Variants in ARID3B observed in about 807,000 individuals in gnomAD.
ARID3B encodes the protein AT-rich interaction domain 3B.
In ARID3B, 10 loss-of-function variants were observed where a neutral mutation model predicts 51.9. The ratio of observed to expected loss-of-function variants is 0.19; its 90% confidence interval spans 0.12 to 0.33. The LOEUF is 0.33. ARID3B is among the 10% of genes least tolerant of loss of function. The pLI is 1.00. For synonymous variants in ARID3B, 205 were observed against 279.5 expected (o/e 0.73, Z 2.66); for missense variants, 483 against 716.3 (o/e 0.67, Z 3.72).
At chr15:74,573,054 T>G in intron 3 of ARID3B, 78 bp from the exon 4 acceptor site, 2 of 1,586,894 alleles carry the variant, frequency 1.3e-6, no homozygotes, top group Non-Finnish European at 1.7e-6. Flanking sequence ...ATTCAGATGG[T>G]CATAGTATAT....
At chr15:74,580,113 C>T (rs2061755500) in intron 4 of ARID3B, among the ~76,000 whole-genome samples, 1 of 152,132 alleles carries the variant, frequency 6.6e-6, no homozygotes. Flanking sequence ...ATCGCCTGAA[C>T]CTGGGAGGCA....
intron 4 of ARID3B, among the ~76,000 whole-genome samples, chr15:74,588,721 T>C (rs2061790837): frequency 6.6e-6 from 1 of 152,034 alleles, no homozygotes; most frequent in South Asian, 2.1e-4. Context: ...GCCCTCACCA[T>C]ATCCCCTGGT....
At chr15:74,590,388 TC>T (rs2061798753) in intron 5 of ARID3B, among the ~76,000 whole-genome samples, 1 of 152,184 alleles carries the variant, frequency 6.6e-6, no homozygotes, top group Non-Finnish European at 1.5e-5. Context: ...CTGTGCCCCT[TC>T]CAGGACATTG....
chr15:74,542,828 G>A (rs2061599725), intron 1 of ARID3B, among the ~76,000 whole-genome samples: 1 of 152,194 alleles, frequency 6.6e-6, no homozygotes, highest in Non-Finnish European at 1.5e-5. Flanking sequence ...TGTTGGGGGT[G>A]AGGGCCTGCA....
chr15:74,565,902 A>C (rs2061696415), intron 2 of ARID3B, among the ~76,000 whole-genome samples: 3 of 152,104 alleles, frequency 2.0e-5, no homozygotes, highest in Admixed American at 2.0e-4. Flanking sequence ...GGGCTGTGAG[A>C]TTGGTGTTGT....
chr15:74,543,613 A>G (rs897908777), intron 1 of ARID3B, among the ~76,000 whole-genome samples: 4 of 152,030 alleles, frequency 2.6e-5, no homozygotes, highest in Admixed American at 2.6e-4. Flanking sequence ...ACTTCTTTTA[A>G]AGCCTGCTAC....
chr15:74,564,220 C>T (rs2061689953), intron 2 of ARID3B, among the ~76,000 whole-genome samples: 1 of 152,194 alleles, frequency 6.6e-6, no homozygotes, highest in Admixed American at 6.5e-5. Flanking sequence ...ATCTGTTTTA[C>T]TTCCTGGGGC....
intron 2 of ARID3B, among the ~76,000 whole-genome samples, chr15:74,566,602 C>CAAA: frequency 1.1e-5 from 1 of 94,058 alleles, no homozygotes; most frequent in South Asian, 3.4e-4. Context: ...GACTCTGTCT[C>CAAA]AAAAAAAAAA....
At chr15:74,589,668 C>G (rs2061796065) in intron 4 of ARID3B, 152 bp from the exon 5 acceptor site, 2 of 760,698 alleles carry the variant, frequency 2.6e-6, no homozygotes, top group Non-Finnish European at 2.1e-6. Flanking sequence ...GACAGCTAGT[C>G]TGAGTGTTCA....
chr15:74,557,172 T>C (rs997158197), intron 2 of ARID3B, among the ~76,000 whole-genome samples: 8 of 151,706 alleles, frequency 5.3e-5, no homozygotes, highest in African/African-American at 1.7e-4. Context: ...TCCAGCACTT[T>C]CGGAGGCCAA....
In ARID3B at chr15:74,593,125, C is replaced by G; in HGVS notation, c.1421-13C>G. ...AGGCTTGACCAGGCCCACTGTCTCC[C>G]TGTCCCCAGCAGAAGACAGAGCAGA... On this transcript the variant is annotated splice_polypyrimidine_tract_variant and intron_variant, in intron 7 of 8. Transcript: ENST00000346246. 1 of 1,611,314 alleles carries G rather than the reference C, an allele frequency of 6.2e-7. No homozygotes were observed. The highest frequency in any genetic ancestry group is 8.5e-7 in the Non-Finnish European group (1 of 1,179,342).
chr15:74,579,279 AC>A (rs1198250755), intron 4 of ARID3B, among the ~76,000 whole-genome samples: 1 of 151,344 alleles, frequency 6.6e-6, no homozygotes, highest in African/African-American at 2.4e-5. Context: ...CACCTTGGCG[AC>A]CCCCTCCCCT....
intron 4 of ARID3B, among the ~76,000 whole-genome samples, chr15:74,577,323 A>G (rs1428388876): frequency 6.6e-6 from 1 of 151,762 alleles, no homozygotes; most frequent in East Asian, 1.9e-4. Context: ...AAAAAAAAAA[A>G]AAGAAGATGT....
rs557634278 is a variant in ARID3B at position 74,572,402 on chromosome 15, GTA to G, written c.553-458_553-457del. Among the ~76,000 whole-genome samples the G allele has an allele frequency of 6.4e-4, 97 of 152,354 alleles. 1 individual carries two copies. Among genetic ancestry groups the G allele is most frequent in the African/African-American group, 2.3e-3 (95 of 41,582 alleles). On this transcript the variant is annotated intron_variant, in intron 2 of 8. Coordinates refer to ENST00000346246, the MANE Select transcript of ARID3B (RefSeq NM_006465.4). ...TTGACTAAGAGACCAACTTCAGGATGTATGTCCTGCTCGCTTTGACCCTTATC... is the reference window on the plus strand; with the variant it reads ...TTGACTAAGAGACCAACTTCAGGATGTGTCCTGCTCGCTTTGACCCTTATC...
At chr15:74,568,528 T>A (rs2061707538) in intron 2 of ARID3B, among the ~76,000 whole-genome samples, 1 of 152,196 alleles carries the variant, frequency 6.6e-6, no homozygotes, top group Admixed American at 6.5e-5. Context: ...CATTATAGAA[T>A]TAAGTGAGAA....
chr15:74,567,933 G>C (rs1228827795), intron 2 of ARID3B, among the ~76,000 whole-genome samples: 1 of 152,174 alleles, frequency 6.6e-6, no homozygotes, highest in Admixed American at 6.5e-5. Flanking sequence ...GTCAGACCTT[G>C]ATTCATTATT....
At position 74,592,627 on chromosome 15, in the gene ARID3B, C is replaced by T. The variant is rs557567360; in HGVS notation, c.1421-511C>T. Among the ~76,000 whole-genome samples the T allele has an allele frequency of 2.0e-5, 3 of 152,348 alleles. No homozygotes were observed. The East Asian group carries it at 5.8e-4, about 29-fold the overall frequency. On this transcript the variant is annotated intron_variant, in intron 7 of 8. Coordinates refer to ENST00000346246, the MANE Select transcript of ARID3B (RefSeq NM_006465.4). The stretch of plus-strand genomic sequence containing the variant: ...AATTCTGAGTCTGGGGTGAGCCAGC[C>T]AAAGGCCGTGTGTGCCAGCACTTGC...
At chr15:74,593,286 A>C in intron 8 of ARID3B, 50 bp downstream of exon 8, 1 of 1,553,536 alleles carries the variant, frequency 6.4e-7, no homozygotes, top group African/African-American at 1.4e-5. Context: ...AGCTAGCCAC[A>C]GGGCAGCTCT....
chr15:74,594,629 G>T (rs76577397), intron 8 of ARID3B, among the ~76,000 whole-genome samples: 6,463 of 149,228 alleles, frequency 0.043, 153 homozygotes, highest in Middle Eastern at 0.12. Flanking sequence ...GTTTCCTCAG[G>T]GCCTACTCCC....
Sources: allele counts gnomAD v4.1 joint callset (sites outside exome capture counted in the v4.1 genomes callset), GRCh38; gene constraint gnomAD v4.1.1; transcripts MANE v1.5; gene names NCBI Gene and HGNC (gene_info 2026-07-23, HGNC 2026-07-21).